The following PTPRD variants were observed in gnomAD, a reference collection of about 807,000 sequenced individuals.
PTPRD encodes the protein protein tyrosine phosphatase receptor type D.
Under a neutral mutation model 214.5 loss-of-function variants are expected in PTPRD, and 34 were observed. That is an observed-to-expected ratio of 0.16 (90% CI 0.12 to 0.21). The LOEUF (loss-of-function observed/expected upper bound fraction) is 0.21, where lower values mean the gene tolerates loss of function less well. PTPRD is among the 10% of genes least tolerant of loss of function. The probability of loss-of-function intolerance (pLI) is 1.00; values close to 1 mark genes in which losing one functional copy is unlikely to be tolerated. For synonymous variants in PTPRD, 1,128 were observed against 845.7 expected (o/e 1.33, Z -5.79); for missense variants, 2,545 against 2,398.7 (o/e 1.06, Z -1.27).
At chr9:9,473,475 T>A (rs1363278639) in intron 8 of PTPRD, among the ~76,000 whole-genome samples, 2 of 152,170 alleles carry the variant, frequency 1.3e-5, no homozygotes, top group African/African-American at 4.8e-5. Flanking sequence ...TTTCTTTCTT[T>A]GGAAAAATAC....
chr9:9,664,303 T>C (rs747993921), intron 7 of PTPRD, among the ~76,000 whole-genome samples: 3 of 151,532 alleles, frequency 2.0e-5, no homozygotes, highest in Admixed American at 6.6e-5. Context: ...TGATAAAATA[T>C]ATTTAAAAAG....
intron 43 of PTPRD, among the ~76,000 whole-genome samples, chr9:8,335,736 A>G (rs979816285): frequency 6.6e-6 from 1 of 152,232 alleles, no homozygotes; most frequent in African/African-American, 2.4e-5. Context: ...TTGTATATTT[A>G]GAAGACCCCA....
intron 41 of PTPRD, 140 bp from the exon 42 acceptor site, chr9:8,340,609 T>C: frequency 1.2e-6 from 1 of 841,882 alleles, no homozygotes; most frequent in Admixed American, 3.3e-5. Flanking sequence ...CCTGCTAAGA[T>C]TAAATAATCA....
chr9:10,214,429 A>ATTTTTTTTTTTTTTTTTTT (rs35115543), intron 3 of PTPRD, among the ~76,000 whole-genome samples: 1 of 120,752 alleles, frequency 8.3e-6, no homozygotes, highest in African/African-American at 3.1e-5. Context: ...AAGCCCAACT[A>ATTTTTTTTTTTTTTTTTTT]TTTTTTTTTT....
At chr9:9,406,691 T>G (rs967797789) in intron 8 of PTPRD, among the ~76,000 whole-genome samples, 1 of 151,578 alleles carries the variant, frequency 6.6e-6, no homozygotes, top group Non-Finnish European at 1.5e-5. Context: ...ATTGAAAGAG[T>G]GATGTGGGAT....
At position 8,903,786 on chromosome 9, in the gene PTPRD, G is replaced by A. The variant is rs936081183; in HGVS notation, c.-104+114911C>T. On this transcript the variant is annotated intron_variant, in intron 11 of 45. Transcript: ENST00000381196. ...TGGGAAATTTGATTACTATTTAAAAGACTACTCTGTAAAGCAATATCCTAC... is the reference window on the plus strand; with the variant it reads ...TGGGAAATTTGATTACTATTTAAAAAACTACTCTGTAAAGCAATATCCTAC... Among the ~76,000 whole-genome samples the A allele has an allele frequency of 4.1e-5, 6 of 146,586 alleles. No individual in the cohort carries two copies. In the East Asian group the frequency reaches 1.2e-3, roughly 28 times the overall value.
chr9:10,331,315 A>C (rs1056012832), intron 3 of PTPRD, among the ~76,000 whole-genome samples: 1 of 151,808 alleles, frequency 6.6e-6, no homozygotes, highest in Non-Finnish European at 1.5e-5. Context: ...AGGAAGCTAA[A>C]AGGGCATTGA....
chr9:9,472,230 T>C (rs1276648510), intron 8 of PTPRD, among the ~76,000 whole-genome samples: 1 of 137,086 alleles, frequency 7.3e-6, no homozygotes, highest in East Asian at 2.2e-4. Flanking sequence ...GGAGTCTTGC[T>C]CTGTCGCCCA....
At chr9:9,504,269 GA>G (rs1318380446) in intron 8 of PTPRD, among the ~76,000 whole-genome samples, 1 of 151,528 alleles carries the variant, frequency 6.6e-6, no homozygotes, top group African/African-American at 2.4e-5. Flanking sequence ...CTACTTATTT[GA>G]CATCTGTTTT....
intron 7 of PTPRD, among the ~76,000 whole-genome samples, chr9:9,684,639 T>C (rs1164512369): frequency 6.6e-6 from 1 of 151,568 alleles, no homozygotes; most frequent in Non-Finnish European, 1.5e-5. Flanking sequence ...CCTTTTTTGT[T>C]AGCAATAGAC....
chr9:10,392,760 G>C (rs1317419869), intron 2 of PTPRD, among the ~76,000 whole-genome samples: 1 of 151,902 alleles, frequency 6.6e-6, no homozygotes, highest in East Asian at 1.9e-4. Context: ...ACAGAAAAAG[G>C]ATTGGAGGAC....
At chr9:9,566,940 A>T (rs193231834) in intron 8 of PTPRD, among the ~76,000 whole-genome samples, 21 of 152,194 alleles carry the variant, frequency 1.4e-4, no homozygotes, top group Non-Finnish European at 1.9e-4. Flanking sequence ...TTACCTTATG[A>T]CAGTGATTAC....
intron 7 of PTPRD, among the ~76,000 whole-genome samples, chr9:9,584,199 A>G (rs762525728): frequency 4.0e-5 from 6 of 151,802 alleles, no homozygotes; most frequent in Non-Finnish European, 5.9e-5. Flanking sequence ...TTATCTCAGA[A>G]ATAGTTTATA....
chr9:9,136,239 C>G lies in PTPRD; in HGVS notation c.-143+47065G>C, dbSNP rs2099850640. On this transcript the variant is annotated intron_variant, in intron 10 of 45. Transcript: ENST00000381196. ...CACTAGAAGCTCAAGTATTTTCATT[C>G]CAACTTGATTTTTAAGTCTCTAATT... Among the ~76,000 whole-genome samples, 3 of 151,988 alleles carry G rather than the reference C, an allele frequency of 2.0e-5. 1 individual carries two copies. The highest frequency in any genetic ancestry group is 7.3e-5 in the African/African-American group (3 of 41,374).
At chr9:8,466,709 T>A (rs1425604747) in intron 31 of PTPRD, among the ~76,000 whole-genome samples, 1 of 151,910 alleles carries the variant, frequency 6.6e-6, no homozygotes, top group Non-Finnish European at 1.5e-5. Flanking sequence ...AATATCTATG[T>A]ATTAATAGAA....
intron 37 of PTPRD, among the ~76,000 whole-genome samples, chr9:8,387,362 C>G (rs192268866): frequency 6.6e-6 from 1 of 152,094 alleles, no homozygotes; most frequent in Non-Finnish European, 1.5e-5. Context: ...CCAGTTAGAA[C>G]TAACTTTATT....
intron 2 of PTPRD, among the ~76,000 whole-genome samples, chr9:10,371,902 C>T (rs2154478075): frequency 6.6e-6 from 1 of 152,158 alleles, no homozygotes; most frequent in East Asian, 1.9e-4. Context: ...TTTTGATTCT[C>T]ATTCCTGTTA....
intron 5 of PTPRD, among the ~76,000 whole-genome samples, chr9:9,854,775 G>A (rs1019931716): frequency 2.0e-5 from 3 of 152,028 alleles, no homozygotes; most frequent in African/African-American, 7.2e-5. Flanking sequence ...AACAAAAACA[G>A]AATATCTGAC....
chr9:8,501,579 G>A (rs1166134282), intron 23 of PTPRD, among the ~76,000 whole-genome samples: 7 of 152,144 alleles, frequency 4.6e-5, no homozygotes, highest in Admixed American at 3.9e-4. Context: ...AACTGCTAAT[G>A]CCCTTCTACC....
Sources: allele counts gnomAD v4.1 joint callset (sites outside exome capture counted in the v4.1 genomes callset), GRCh38; gene constraint gnomAD v4.1.1; transcripts MANE v1.5; gene names NCBI Gene and HGNC (gene_info 2026-07-23, HGNC 2026-07-21).